Variants in GNB1L observed in about 807,000 individuals in gnomAD.
The protein encoded by GNB1L is G protein subunit beta 1 like, also known as guanine nucleotide-binding protein subunit beta-like protein 1.
Under a neutral mutation model 29.1 loss-of-function variants are expected in GNB1L, and 20 were observed. The observed-to-expected ratio is 0.69, with a 90% CI of 0.48 to 1.00. The LOEUF is 1.00. Among genes scored for constraint, GNB1L ranks in the 50% least tolerant of loss-of-function variants. The pLI, the probability that GNB1L is intolerant of heterozygous loss-of-function variation, is 0.00. For missense variants in GNB1L, 421 were observed against 464.9 expected (o/e 0.91, Z 0.87); for synonymous variants, 193 against 206.5 (o/e 0.93, Z 0.56).
At position 19,788,576 on chromosome 22, in the gene GNB1L, C is replaced by T; in HGVS notation, c.*133G>A. ...AAAGGAAATACCAACCTCATGAAGA[C>T]AGCGGGGACTCCATGGTCCTTGGGC... On this transcript the variant is annotated 3_prime_UTR_variant, in exon 8 of 8. Transcript: ENST00000329517. The T allele has an allele frequency of 8.9e-7, 1 of 1,121,578 alleles. No homozygotes were observed. Among genetic ancestry groups the T allele is most frequent in the Admixed American group, 1.7e-5 (1 of 59,264 alleles). 69.5% of individuals were successfully genotyped at this position (1,121,578 alleles called of 1,614,324 possible).
Sources: gnomAD v4.1 joint callset for allele counts on GRCh38, gnomAD v4.1.1 for gene constraint, MANE v1.5 for transcripts, NCBI Gene and HGNC (gene_info 2026-07-23, HGNC 2026-07-21) for gene names.